The following C14orf93 variants were observed in gnomAD, a reference collection of about 807,000 sequenced individuals.
C14orf93 encodes the protein chromosome 14 open reading frame 93.
C14orf93 carries 23 observed loss-of-function variants against 44.0 expected under a neutral mutation model. The ratio of observed to expected loss-of-function variants is 0.52; its 90% CI spans 0.38 to 0.74. The LOEUF (loss-of-function observed/expected upper bound fraction) is 0.74, where lower values mean the gene tolerates loss of function less well. Among genes scored for constraint, C14orf93 ranks in the 30% least tolerant of loss-of-function variants. The probability of loss-of-function intolerance (pLI) is 0.00; values close to 1 mark genes in which losing one functional copy is unlikely to be tolerated. For missense variants in C14orf93, 579 were observed against 678.9 expected (o/e 0.85, Z 1.64); for synonymous variants, 253 against 265.7 (o/e 0.95, Z 0.46).
At position 22,996,709 on chromosome 14, in the gene C14orf93, C is replaced by CAT. The variant is rs1275970956; in HGVS notation, c.598-443_598-442dup. ...AAGACAAATGAGCAAAGGAGGAAGA[C>CAT]ATAAAGTCAGAAATCCCTAGAGAGA... On this transcript the variant is annotated intron_variant, in intron 2 of 6. Transcript: ENST00000299088. The surrounding 1 kb of genome is among the most constrained non-coding windows in gnomAD (Gnocchi z 4.1). 6.6e-6 allele frequency among the ~76,000 whole-genome samples: 1 copy of CAT among 152,132 alleles called. No individual in the cohort carries two copies. Among genetic ancestry groups the CAT allele is most frequent in the Non-Finnish European group, 1.5e-5 (1 of 68,022 alleles).
chr14:23,002,579 G>C (rs776066088), intron 1 of C14orf93: 2 of 152,020 alleles, frequency 1.3e-5, no homozygotes, highest in African/African-American at 2.4e-5. Context: ...AGTGGTTTTT[G>C]TGAAGATTAT....
chr14:22,998,830 A>T lies in C14orf93; in HGVS notation c.194T>A (p.Ile65Asn), dbSNP rs756663389. The T allele has an allele frequency of 9.3e-6, 15 of 1,614,002 alleles. No homozygotes were observed. Among genetic ancestry groups the T allele is most frequent in the African/African-American group, 2.7e-5 (2 of 74,914 alleles). Residue 65 changes from isoleucine to asparagine, a missense_variant, in exon 2 of 7, where the codon ATC becomes AAC. Transcript: ENST00000299088. ...VQSSEQLLHV[I>N]YQRVDKAVGL... is the part of the protein sequence containing the mutation. ...CACTGCCTTATCGACCCGCTGGTAG[A>T]TAACATGCAGGAGCTGCTCTGAGCT...
Position 22,999,673 on chromosome 14 carries a change from T to C in C14orf93, c.-379-271A>G, listed in dbSNP as rs3751496. Among the ~76,000 whole-genome samples the C allele has an allele frequency of 2.8e-4, 42 of 152,258 alleles. No individual in the cohort carries two copies. The East Asian group carries it at 8.1e-3, about 29-fold the overall frequency. On this transcript the variant is annotated intron_variant, in intron 1 of 6. Transcript: ENST00000299088. ...CCAGTTATTGCTACTTTCAATGTAG[T>C]GTTGTATTTTTTTTTAACTGATACC...
intron 1 of C14orf93, among the ~76,000 whole-genome samples, chr14:23,000,415 C>A (rs2046228824): frequency 1.3e-5 from 2 of 151,954 alleles, no homozygotes; most frequent in African/African-American, 4.8e-5. Context: ...TAAAACATCA[C>A]AATTAAAAGG....
intron 1 of C14orf93, among the ~76,000 whole-genome samples, chr14:22,999,617 T>C (rs1169601486): frequency 6.6e-6 from 1 of 152,212 alleles, no homozygotes; most frequent in Non-Finnish European, 1.5e-5. Flanking sequence ...GTTATATGTC[T>C]TTTTCAAGGT....
rs2045290864 is a variant in C14orf93, at chr14:22,987,444, G to C, written c.1388C>G (p.Ser463Cys). 2 of 1,614,154 alleles carry C rather than the reference G, an allele frequency of 1.2e-6. No homozygotes were observed. The highest frequency in any genetic ancestry group is 3.3e-5 in the Admixed American group (2 of 60,012). Residue 463 changes from serine (S) to cysteine (C), a missense_variant, in exon 7 of 7, where the codon TCT (serine) becomes TGT (cysteine). Coordinates refer to ENST00000299088, the MANE Select transcript of C14orf93 (RefSeq NM_021944.4). This position sits in a 1 kb window ranked among gnomAD's most constrained non-coding sequence, Gnocchi z 5.6. ...ACGGTTGGCTTTGGTGCCATGCTTA[G>C]AGTTAGCATCCAGGTGGTAGCAGAG... Reference protein sequence around the residue: ...TELCYHLDANSKHGTKANRVY... With the variant: ...TELCYHLDANCKHGTKANRVY...
chr14:23,000,982 T>C (rs965660537), intron 1 of C14orf93: 17 of 152,214 alleles, frequency 1.1e-4, no homozygotes, highest in African/African-American at 4.1e-4. Context: ...TTAACTCAAA[T>C]ACATTTACAG....
chr14:22,998,975 C>T lies in C14orf93; in HGVS notation c.49G>A (p.Ala17Thr). The part of the protein sequence containing the change: ...ILFSPPSGSE[A>T]RCCCCACKSE... Reference sequence around the variant, plus strand: ...TTACAGGCGCAGCAGCAGCATCTGGCCTCGCTGCCACTGGGAGGGGAGAAG... The same window carrying T: ...TTACAGGCGCAGCAGCAGCATCTGGTCTCGCTGCCACTGGGAGGGGAGAAG... Residue 17 changes from alanine (A) to threonine (T), a missense_variant, in exon 2 of 7, where the codon GCC (alanine) becomes ACC (threonine). Coordinates refer to ENST00000299088, the MANE Select transcript of C14orf93 (RefSeq NM_021944.4). 1 of 1,613,454 alleles carries T rather than the reference C, an allele frequency of 6.2e-7. No individual in the cohort carries two copies. Among genetic ancestry groups the T allele is most frequent in the Non-Finnish European group, 8.5e-7 (1 of 1,179,966 alleles).
Position 22,996,053 on chromosome 14 carries a change from C to T in C14orf93, c.813G>A (p.Gly271=). 6.2e-7 allele frequency: 1 copy of T among 1,614,184 alleles called. No individual in the cohort carries two copies. The highest frequency in any genetic ancestry group is 8.5e-7 in the Non-Finnish European group (1 of 1,180,034). Residue 271 remains glycine (G), a synonymous_variant, in exon 3 of 7, where the codon GGG becomes GGA. Coordinates refer to ENST00000299088, the MANE Select transcript of C14orf93 (RefSeq NM_021944.4). This position sits in a 1 kb window ranked among gnomAD's most constrained non-coding sequence, Gnocchi z 4.1. ...LDSALEESGP[G]STGELRHSLG... is the part of the protein sequence containing the mutation. ...GAGAGTGTCTCAGCTCCCCAGTGCT[C>T]CCAGGGCCTGACTCTTCCAAGGCAC...
rs368902387 is a variant in C14orf93, at chr14:22,987,262, G to A, written c.1570C>T (p.Pro524Ser). 4 of 1,614,228 alleles carry A rather than the reference G, an allele frequency of 2.5e-6. No homozygotes were observed. The South Asian group carries it at 3.3e-5, about 13-fold the overall frequency. ...ATTTCAATGAATGAGTTCAAGTCAG[G>A]ACAGCAGGTTTTGTGGGGTTGGTCA... ...SFDQPHKTCC[P>S]DLNSFIEIKV... The change falls in exon 7 of 7, where the codon CCT (proline) becomes TCT (serine). Residue 524 changes from proline (P) to serine (S), a missense_variant. Pro to Ser is a moderately conservative substitution (Grantham distance 74). Transcript: ENST00000299088. This position sits in a 1 kb window ranked among gnomAD's most constrained non-coding sequence, Gnocchi z 5.6.
Position 22,996,250 on chromosome 14 carries a change from C to A in C14orf93, c.616G>T (p.Ala206Ser). 1 of 1,557,584 alleles carries A rather than the reference C, an allele frequency of 6.4e-7. No homozygotes were observed. Among genetic ancestry groups the A allele is most frequent in the South Asian group, 1.2e-5 (1 of 84,490 alleles). ...ACTCGCTGTACTGCACCCTCAGAGGCCACGTAATCATCCACCAGCTAAGAA... is the reference window on the plus strand; with the variant it reads ...ACTCGCTGTACTGCACCCTCAGAGGACACGTAATCATCCACCAGCTAAGAA... ...LLNPLVDDYV[A>S]SEGAVQRVLV... The change falls in exon 3 of 7, where the codon GCC (alanine) becomes TCC (serine). Residue 206 changes from alanine (A) to serine (S), a missense_variant. Ala to Ser is a moderately conservative substitution (Grantham distance 99). Transcript: ENST00000299088. This position sits in a 1 kb window ranked among gnomAD's most constrained non-coding sequence, Gnocchi z 4.1.
At position 22,999,020 on chromosome 14, in the gene C14orf93, A is replaced by G; in HGVS notation, c.4T>C (p.Ser2Pro). The G allele has an allele frequency of 1.2e-6, 2 of 1,607,674 alleles. No homozygotes were observed. Among genetic ancestry groups the G allele is most frequent in the Non-Finnish European group, 1.7e-6 (2 of 1,178,092 alleles). Reference protein sequence around the residue: MSFSATILFSPP... With the variant: MPFSATILFSPP... ...GAGAAGAGAATGGTGGCACTGAAGG[A>G]CATGGCGGATGGGGCAGTAACAACC... The change falls in exon 2 of 7, where the codon TCC becomes CCC. Residue 2 changes from serine (S) to proline (P), a missense_variant. By Grantham distance (74) the Ser-to-Pro change is moderately conservative. Coordinates refer to ENST00000299088, the MANE Select transcript of C14orf93 (RefSeq NM_021944.4).
At position 22,996,835 on chromosome 14, in the gene C14orf93, A is replaced by C. The variant is rs2046000073; in HGVS notation, c.598-567T>G. Among the ~76,000 whole-genome samples, 1 of 152,090 alleles carries C rather than the reference A, an allele frequency of 6.6e-6. No homozygotes were observed. The highest frequency in any genetic ancestry group is 1.5e-5 in the Non-Finnish European group (1 of 68,020). ...CCACATTCGACTGTCATAGCCCCTGACATCTACCTGACTGCCTGTGCCCTC... is the reference window on the plus strand; with the variant it reads ...CCACATTCGACTGTCATAGCCCCTGCCATCTACCTGACTGCCTGTGCCCTC... On this transcript the variant is annotated intron_variant, in intron 2 of 6. Coordinates refer to ENST00000299088, the MANE Select transcript of C14orf93 (RefSeq NM_021944.4). The surrounding 1 kb of genome is among the most constrained non-coding windows in gnomAD (Gnocchi z 4.1).
At chr14:23,001,947 G>A (rs1453609231) in intron 1 of C14orf93, among the ~76,000 whole-genome samples, 1 of 149,096 alleles carries the variant, frequency 6.7e-6, no homozygotes, top group East Asian at 2.0e-4. Context: ...AGGAGATGGA[G>A]ACCATCCTGG....
intron 1 of C14orf93, among the ~76,000 whole-genome samples, chr14:23,002,451 CAAAAAAAAAA>C (rs397709228): frequency 1.1e-5 from 1 of 89,078 alleles, no homozygotes; most frequent in Non-Finnish European, 2.2e-5. Context: ...GACTCCATCT[CAAAAAAAAAA>C]AAAAAAAAAT....
Position 22,996,310 on chromosome 14 carries a change from T to C in C14orf93, c.598-42A>G. On this transcript the variant is annotated intron_variant, in intron 2 of 6. Coordinates refer to ENST00000299088, the MANE Select transcript of C14orf93 (RefSeq NM_021944.4). This position sits in a 1 kb window ranked among gnomAD's most constrained non-coding sequence, Gnocchi z 4.1. ...TAATAGCCTATTAGCCAGCCAGGCTTAGGGGAACCTGGTTAACCATCATTC... is the reference window on the plus strand; with the variant it reads ...TAATAGCCTATTAGCCAGCCAGGCTCAGGGGAACCTGGTTAACCATCATTC... 1 of 1,500,618 alleles carries C rather than the reference T, an allele frequency of 6.7e-7. No individual in the cohort carries two copies. Among genetic ancestry groups the C allele is most frequent in the Non-Finnish European group, 8.9e-7 (1 of 1,118,114 alleles). The allele number at this position is 1,500,618 out of a possible 1,614,324, so 93.0% of individuals were successfully genotyped here.
Position 22,989,547 on chromosome 14 carries a change from G to A in C14orf93, c.1084+195C>T, listed in dbSNP as rs530518096. 4.0e-4 allele frequency among the ~76,000 whole-genome samples: 61 copies of A among 152,306 alleles called. 1 individual carries two copies. Among genetic ancestry groups the A allele is most frequent in the African/African-American group, 1.4e-3 (60 of 41,568 alleles). On this transcript the variant is annotated intron_variant, in intron 5 of 6. Transcript: ENST00000299088. Reference sequence around the variant, plus strand: ...TTCTCTCATTTTCGTTTCAGACTGAGAGGGAAATAAACAGGCAATTTGAGA... The same window carrying A: ...TTCTCTCATTTTCGTTTCAGACTGAAAGGGAAATAAACAGGCAATTTGAGA...
At chr14:22,989,688 G>A (rs1298419977) in intron 5 of C14orf93, 54 bp downstream of exon 5, 5 of 1,208,038 alleles carry the variant, frequency 4.1e-6, no homozygotes, top group Non-Finnish European at 6.2e-6. Context: ...AGAAAGAGGA[G>A]TGGGAGGAGA....
rs2045969998 is a variant in C14orf93 at position 22,996,278 on chromosome 14, T to A, written c.598-10A>T. On this transcript the variant is annotated splice_polypyrimidine_tract_variant and intron_variant, in intron 2 of 6. Transcript: ENST00000299088. The surrounding 1 kb of genome is among the most constrained non-coding windows in gnomAD (Gnocchi z 4.1). ...CGTAATCATCCACCAGCTAAGAACATAAAAAATAATAGCCTATTAGCCAGC... is the reference window on the plus strand; with the variant it reads ...CGTAATCATCCACCAGCTAAGAACAAAAAAAATAATAGCCTATTAGCCAGC... 6.6e-7 allele frequency: 1 copy of A among 1,526,472 alleles called. No individual in the cohort carries two copies. Among genetic ancestry groups the A allele is most frequent in the Non-Finnish European group, 8.8e-7 (1 of 1,133,434 alleles). The allele number at this position is 1,526,472 out of a possible 1,614,324, so 94.6% of individuals were successfully genotyped here.
Sources: allele counts gnomAD v4.1 joint callset (sites outside exome capture counted in the v4.1 genomes callset), GRCh38; gene constraint gnomAD v4.1.1; non-coding constraint Gnocchi (gnomAD v3.1); transcripts MANE v1.5; gene names NCBI Gene and HGNC (gene_info 2026-07-23, HGNC 2026-07-21).